CREBRF: variants seen among roughly 807,000 people sequenced by gnomAD.
CREBRF encodes the protein CREB3 regulatory factor.
A neutral mutation model predicts 66.1 loss-of-function variants in CREBRF; 5 were observed. The observed-to-expected ratio is 0.08, with a 90% confidence interval of 0.04 to 0.16. The LOEUF (loss-of-function observed/expected upper bound fraction) is 0.16. CREBRF is among the 10% of genes least tolerant of loss of function. CREBRF has a pLI of 1.00. For missense variants in CREBRF, 531 were observed against 744.9 expected, an observed-to-expected ratio of 0.71 and a Z score of 3.34; for synonymous variants, 229 against 264.4, an observed-to-expected ratio of 0.87 and a Z score of 1.30.
Position 173,090,476 on chromosome 5 carries a change from G to A in CREBRF, c.297G>A (p.Thr99=), listed in dbSNP as rs771101800. Residue 99 remains threonine, a synonymous_variant, in exon 4 of 9, where the codon ACG becomes ACA. Transcript: ENST00000296953. This position sits in a 1 kb window ranked among gnomAD's most constrained non-coding sequence, Gnocchi z 4.5. ...EQWDTYCEDL[T]KYTKLTSCDI... ...GGGATACATACTGTGAAGACCTAAC[G>A]AAATATACCAAACTAACCAGCTGTG... 6.8e-6 allele frequency: 11 copies of A among 1,613,516 alleles called. No individual in the cohort carries two copies. Among genetic ancestry groups the A allele is most frequent in the South Asian group, 6.6e-5 (6 of 91,084 alleles).
At chr5:173,067,655 T>C (rs1001223547) in intron 1 of CREBRF, among the ~76,000 whole-genome samples, 1 of 152,180 alleles carries the variant, frequency 6.6e-6, no homozygotes, top group African/African-American at 2.4e-5. Flanking sequence ...AACTGATTTG[T>C]GGGCGTTGAT....
intron 7 of CREBRF, 35 bp from the exon 8 acceptor site, chr5:173,123,045 G>A (rs1017231313): frequency 1.3e-6 from 2 of 1,549,474 alleles, no homozygotes; most frequent in South Asian, 2.5e-5. Flanking sequence ...TTTCATGGTA[G>A]TGACATATTC....
chr5:173,057,116 G>A (rs1043766538), intron 1 of CREBRF, among the ~76,000 whole-genome samples: 16 of 152,224 alleles, frequency 1.1e-4, no homozygotes, highest in African/African-American at 3.4e-4. Flanking sequence ...TTGTTTATAT[G>A]TCTTCTCAAA....
At chr5:173,116,455 A>T (rs1362501496) in intron 7 of CREBRF, among the ~76,000 whole-genome samples, 1 of 152,206 alleles carries the variant, frequency 6.6e-6, no homozygotes, top group Non-Finnish European at 1.5e-5. Flanking sequence ...ACATTTTTCT[A>T]AGATCTTACA....
chr5:173,113,946 T>G (rs1470741165), intron 7 of CREBRF, among the ~76,000 whole-genome samples: 1 of 152,204 alleles, frequency 6.6e-6, no homozygotes, highest in Non-Finnish European at 1.5e-5. Flanking sequence ...AATTGTCCTC[T>G]TCGATGTGTA....
chr5:173,104,090 A>G lies in CREBRF; in HGVS notation c.1223-4534A>G, dbSNP rs1318536550. On this transcript the variant is annotated intron_variant, in intron 4 of 8. Coordinates refer to ENST00000296953, the MANE Select transcript of CREBRF (RefSeq NM_153607.3). Reference sequence around the variant, plus strand: ...TTAGGTACTGGCTATACAGAGATGAAAAAAGTAGACATCTTTATCTTCATG... The same window carrying G: ...TTAGGTACTGGCTATACAGAGATGAGAAAAGTAGACATCTTTATCTTCATG... Among the ~76,000 whole-genome samples, 3 of 152,318 alleles carry G rather than the reference A, an allele frequency of 2.0e-5. No individual in the cohort carries two copies. The East Asian group carries it at 5.8e-4, about 29-fold the overall frequency.
Position 173,133,768 on chromosome 5 carries a change from C to A in CREBRF, c.*23C>A. 4 of 1,266,608 alleles carry A rather than the reference C, an allele frequency of 3.2e-6. No homozygotes were observed. In the South Asian group the frequency reaches 3.8e-5, roughly 12 times the overall value. The allele number at this position is 1,266,608 out of a possible 1,614,324, so 78.5% of individuals were successfully genotyped here. On this transcript the variant is annotated 3_prime_UTR_variant, in exon 9 of 9. Transcript: ENST00000296953. ...TAATCAGCCTCATTGGACCACTGGT[C>A]AGAAATGTCTGCGTTTTGTCACGTT...
intron 7 of CREBRF, among the ~76,000 whole-genome samples, chr5:173,118,323 A>G (rs1200228539): frequency 6.6e-6 from 1 of 152,334 alleles, no homozygotes; most frequent in South Asian, 2.1e-4. Flanking sequence ...CCTCACTGGC[A>G]TCTTTCAAAG....
chr5:173,064,634 G>A (rs973450008), intron 1 of CREBRF, among the ~76,000 whole-genome samples: 1 of 148,912 alleles, frequency 6.7e-6, no homozygotes, highest in Non-Finnish European at 1.5e-5. Context: ...GCACAATCTC[G>A]GCTTACTGCA....
chr5:173,120,775 C>T (rs1759121839), intron 7 of CREBRF, among the ~76,000 whole-genome samples: 1 of 143,320 alleles, frequency 7.0e-6, no homozygotes, highest in South Asian at 2.3e-4. Context: ...CTCACTGTAA[C>T]CTCCGCCTCC....
At chr5:173,105,717 G>C (rs907363030) in intron 4 of CREBRF, among the ~76,000 whole-genome samples, 4 of 152,012 alleles carry the variant, frequency 2.6e-5, no homozygotes. Context: ...ACCCACCTCA[G>C]CCTCCCAAAG....
At chr5:173,106,135 G>A (rs1459492168) in intron 4 of CREBRF, among the ~76,000 whole-genome samples, 1 of 151,810 alleles carries the variant, frequency 6.6e-6, no homozygotes, top group African/African-American at 2.4e-5. Flanking sequence ...CATTTTTTAA[G>A]AAGAGCCTAA....
intron 8 of CREBRF, among the ~76,000 whole-genome samples, chr5:173,125,382 C>T (rs554036730): frequency 2.6e-4 from 39 of 152,192 alleles, no homozygotes; most frequent in Non-Finnish European, 4.7e-4. Context: ...TATGTTCTTT[C>T]ATGTATCGTG....
Position 173,114,602 on chromosome 5 carries a change from A to T in CREBRF, c.1681+2223A>T, listed in dbSNP as rs529007251. On this transcript the variant is annotated intron_variant, in intron 7 of 8. Coordinates refer to ENST00000296953, the MANE Select transcript of CREBRF (RefSeq NM_153607.3). ...ATAAATTTAGCTTTATGAAAAATGT[A>T]CTCTGTTGTCTTTATCATTTTTAAT... is the stretch of plus-strand genomic sequence containing the variant. Among the ~76,000 whole-genome samples the T allele has an allele frequency of 8.5e-5, 13 of 152,272 alleles. No individual in the cohort carries two copies. The East Asian group carries it at 9.6e-4, about 11-fold the overall frequency.
chr5:173,089,670 A>AG (rs1041949481), intron 3 of CREBRF, among the ~76,000 whole-genome samples: 10 of 151,744 alleles, frequency 6.6e-5, no homozygotes, highest in African/African-American at 2.4e-4. Context: ...TTAAAAAAAA[A>AG]AAAAAAGAAA....
chr5:173,120,288 T>G (rs902067204), intron 7 of CREBRF, among the ~76,000 whole-genome samples: 4 of 152,152 alleles, frequency 2.6e-5, no homozygotes, highest in African/African-American at 9.6e-5. Context: ...GTTCTTTTTT[T>G]GGGGAAGATA....
At chr5:173,116,654 C>G (rs537794367) in intron 7 of CREBRF, among the ~76,000 whole-genome samples, 45 of 151,780 alleles carry the variant, frequency 3.0e-4, no homozygotes, top group Admixed American at 7.2e-4. Flanking sequence ...TAGGTTGTTT[C>G]AAGTTTTTGG....
At chr5:173,121,564 C>T (rs749013210) in intron 7 of CREBRF, among the ~76,000 whole-genome samples, 7 of 152,216 alleles carry the variant, frequency 4.6e-5, no homozygotes, top group Admixed American at 2.0e-4. Flanking sequence ...CCCCGTGATC[C>T]GCCCGCCTTG....
At chr5:173,119,169 A>G (rs893801980) in intron 7 of CREBRF, among the ~76,000 whole-genome samples, 6 of 152,320 alleles carry the variant, frequency 3.9e-5, no homozygotes, top group Admixed American at 3.9e-4. Context: ...GGTCTTTTGC[A>G]TGTCTATATA....
Sources: allele counts gnomAD v4.1 joint callset (sites outside exome capture counted in the v4.1 genomes callset), GRCh38; gene constraint gnomAD v4.1.1; non-coding constraint Gnocchi (gnomAD v3.1); transcripts MANE v1.5; gene names NCBI Gene and HGNC (gene_info 2026-07-23, HGNC 2026-07-21).